The following NHEJ1 variants were observed in gnomAD, a reference collection of about 807,000 sequenced individuals.
NHEJ1 encodes the protein non-homologous end-joining factor 1.
Under a neutral mutation model 39.4 loss-of-function variants are expected in NHEJ1, and 22 were observed. That is an observed-to-expected ratio of 0.56 (90% CI 0.40 to 0.80). NHEJ1 has a LOEUF of 0.80. NHEJ1 is among the 30% of genes least tolerant of loss of function. The probability of loss-of-function intolerance (pLI) is 0.00; values close to 1 mark genes in which losing one functional copy is unlikely to be tolerated. For synonymous variants in NHEJ1, 154 were observed against 135.6 expected (o/e 1.14, Z -0.94); for missense variants, 329 against 357.1 (o/e 0.92, Z 0.63).
intron 5 of NHEJ1, among the ~76,000 whole-genome samples, chr2:219,110,897 G>C (rs1319598440): frequency 1.3e-5 from 2 of 152,130 alleles, no homozygotes; most frequent in East Asian, 3.9e-4. Flanking sequence ...CTTTGGCTCT[G>C]AGGAGTCTGG....
At chr2:219,113,063 C>T (rs940484508) in intron 5 of NHEJ1, among the ~76,000 whole-genome samples, 4 of 152,130 alleles carry the variant, frequency 2.6e-5, no homozygotes, top group African/African-American at 7.2e-5. Context: ...GCAACTATCA[C>T]GGCATATGAA....
chr2:219,141,110 TG>T (rs1458794128), intron 5 of NHEJ1, among the ~76,000 whole-genome samples: 2 of 152,216 alleles, frequency 1.3e-5, no homozygotes, highest in African/African-American at 4.8e-5. Context: ...CCAGGAACAG[TG>T]GCTCACACCT....
At chr2:219,130,918 G>A (rs1949572122) in intron 5 of NHEJ1, among the ~76,000 whole-genome samples, 1 of 151,916 alleles carries the variant, frequency 6.6e-6, no homozygotes, top group South Asian at 2.1e-4. Context: ...GTGAGACCCA[G>A]GATCTACTAA....
chr2:219,089,238 A>G (rs532149587), intron 5 of NHEJ1, among the ~76,000 whole-genome samples: 1 of 152,376 alleles, frequency 6.6e-6, no homozygotes, highest in South Asian at 2.1e-4. Flanking sequence ...ACTCCTAGGT[A>G]CATACCCAAG....
chr2:219,085,430 T>A (rs1949102862), intron 5 of NHEJ1, among the ~76,000 whole-genome samples: 1 of 152,192 alleles, frequency 6.6e-6, no homozygotes, highest in Non-Finnish European at 1.5e-5. Flanking sequence ...TATAGTACCC[T>A]AAATACACAA....
At chr2:219,131,972 T>A (rs1241816809) in intron 5 of NHEJ1, among the ~76,000 whole-genome samples, 2 of 152,252 alleles carry the variant, frequency 1.3e-5, no homozygotes, top group Non-Finnish European at 2.9e-5. Context: ...GTCAGAGTCC[T>A]GGGCTCTGGT....
chr2:219,076,963 GCTGA>G (rs1259384792), intron 7 of NHEJ1, among the ~76,000 whole-genome samples: 46 of 152,156 alleles, frequency 3.0e-4, no homozygotes, highest in Admixed American at 3.0e-3. Flanking sequence ...GAATAGCCTC[GCTGA>G]CTATCACTGG....
At chr2:219,135,557 C>A (rs1056033003) in intron 5 of NHEJ1, among the ~76,000 whole-genome samples, 2 of 152,146 alleles carry the variant, frequency 1.3e-5, no homozygotes, top group South Asian at 4.1e-4. Flanking sequence ...TGCAGTGAGC[C>A]GAGATCACCC....
At chr2:219,088,346 G>A (rs373887124) in intron 5 of NHEJ1, among the ~76,000 whole-genome samples, 5 of 151,998 alleles carry the variant, frequency 3.3e-5, no homozygotes, top group East Asian at 3.9e-4. Context: ...TTAATATTTC[G>A]GGCCAGGTGA....
chr2:219,113,628 G>A (rs1244829791), intron 5 of NHEJ1, among the ~76,000 whole-genome samples: 2 of 151,996 alleles, frequency 1.3e-5, no homozygotes, highest in East Asian at 3.9e-4. Flanking sequence ...ACATAGAAAA[G>A]AGCCCTTACC....
At chr2:219,096,798 A>C (rs1949212635) in intron 5 of NHEJ1, among the ~76,000 whole-genome samples, 1 of 152,192 alleles carries the variant, frequency 6.6e-6, no homozygotes, top group African/African-American at 2.4e-5. Context: ...AGGGAGACAA[A>C]GGTGGTAAGA....
chr2:219,143,393 A>G (rs1486289575), intron 5 of NHEJ1, among the ~76,000 whole-genome samples: 3 of 152,200 alleles, frequency 2.0e-5, no homozygotes, highest in African/African-American at 7.2e-5. Flanking sequence ...CAATGACCCC[A>G]GAGGTCACAA....
chr2:219,106,872 C>T (rs377479480), intron 5 of NHEJ1, among the ~76,000 whole-genome samples: 1 of 152,190 alleles, frequency 6.6e-6, no homozygotes, highest in Non-Finnish European at 1.5e-5. Context: ...AACCTGTGTT[C>T]TCATTTGCTG....
rs1363745713 is a variant in NHEJ1 at position 219,157,681 on chromosome 2, G to C, written c.181C>G (p.Leu61Val). 15 of 1,612,644 alleles carry C rather than the reference G, an allele frequency of 9.3e-6. 1 individual carries two copies. In the South Asian group the frequency reaches 1.7e-4, roughly 18 times the overall value. Reference protein sequence around the residue: ...TSVVSQRAKELNKRLTAPPAA... With the variant: ...TSVVSQRAKEVNKRLTAPPAA... ...GGAGGAGCAGTGAGCCGCTTGTTCA[G>C]CTCCTAAAGAGAGAGCAGTGGTACA... The change falls in exon 3 of 8, where the codon CTG becomes GTG. Residue 61 changes from leucine to valine, a missense_variant. Coordinates refer to ENST00000356853, the MANE Select transcript of NHEJ1 (RefSeq NM_024782.3).
In NHEJ1 at chr2:219,142,971, C is replaced by T. The variant is rs529902488; in HGVS notation, c.588+3709G>A. ...AAAAGGACCAAATAGGGAGAAGTAA[C>T]CCCTGTTCAATTCTTATTTTCCCGA... On this transcript the variant is annotated intron_variant, in intron 5 of 7. Transcript: ENST00000356853. Among the ~76,000 whole-genome samples, 176 of 152,246 alleles carry T rather than the reference C, an allele frequency of 1.2e-3. 1 individual carries two copies. Among genetic ancestry groups the T allele is most frequent in the African/African-American group, 4.1e-3 (171 of 41,544 alleles).
chr2:219,151,929 C>T (rs932423357), intron 3 of NHEJ1, among the ~76,000 whole-genome samples: 3 of 152,178 alleles, frequency 2.0e-5, no homozygotes, highest in Admixed American at 2.0e-4. Flanking sequence ...GATCATGCCA[C>T]TGCACTCCAG....
chr2:219,092,985 T>C (rs928806333), intron 5 of NHEJ1, among the ~76,000 whole-genome samples: 4 of 152,244 alleles, frequency 2.6e-5, no homozygotes, highest in African/African-American at 9.6e-5. Context: ...AGGGGATTTT[T>C]CTGCCTTACA....
At chr2:219,159,094 C>A (rs978620077) in intron 1 of NHEJ1, 1 of 152,870 alleles carries the variant, frequency 6.5e-6, no homozygotes, top group Non-Finnish European at 1.5e-5. Context: ...TCAACAAAAA[C>A]CAGAATGACT....
At chr2:219,123,558 C>T (rs1202425002) in intron 5 of NHEJ1, among the ~76,000 whole-genome samples, 1 of 152,216 alleles carries the variant, frequency 6.6e-6, no homozygotes, top group Non-Finnish European at 1.5e-5. Flanking sequence ...TCAAAATCTA[C>T]TTCTATGTCA....
Sources: allele counts gnomAD v4.1 joint callset (sites outside exome capture counted in the v4.1 genomes callset), GRCh38; gene constraint gnomAD v4.1.1; transcripts MANE v1.5; gene names NCBI Gene and HGNC (gene_info 2026-07-23, HGNC 2026-07-21).